The following KCNIP1 variants were observed in gnomAD, a reference collection of about 807,000 sequenced individuals.
The protein encoded by KCNIP1 is potassium voltage-gated channel interacting protein 1.
KCNIP1 carries 18 observed loss-of-function variants against 33.0 expected under a neutral mutation model. That is an observed-to-expected ratio of 0.55 (90% CI 0.38 to 0.81). KCNIP1 has a LOEUF of 0.81. Ranked by LOEUF, KCNIP1 falls within the 30% of genes least tolerant of loss-of-function variation. The pLI is 0.00. For missense variants in KCNIP1, 238 were observed against 271.6 expected, an observed-to-expected ratio of 0.88 and a Z score of 0.87; for synonymous variants, 93 against 98.3, an observed-to-expected ratio of 0.95 and a Z score of 0.32.
chr5:170,505,991 C>G (rs1304582185), intron 1 of KCNIP1, among the ~76,000 whole-genome samples: 2 of 152,216 alleles, frequency 1.3e-5, no homozygotes, highest in East Asian at 1.9e-4. Context: ...CCTTGACATT[C>G]TAAGCCTCAC....
intron 1 of KCNIP1, among the ~76,000 whole-genome samples, chr5:170,513,383 TTCC>T (rs1755012339): frequency 6.6e-6 from 1 of 152,220 alleles, no homozygotes; most frequent in African/African-American, 2.4e-5. Context: ...GAAGTCAGAT[TTCC>T]AGATTTGCAT....
intron 1 of KCNIP1, among the ~76,000 whole-genome samples, chr5:170,459,377 C>T (rs1203173091): frequency 6.6e-6 from 1 of 152,118 alleles, no homozygotes; most frequent in African/African-American, 2.4e-5. Flanking sequence ...TATCAAACAA[C>T]TGTGGAATAT....
At chr5:170,411,707 G>A (rs1755194226) in intron 1 of KCNIP1, among the ~76,000 whole-genome samples, 1 of 152,206 alleles carries the variant, frequency 6.6e-6, no homozygotes, top group Admixed American at 6.5e-5. Flanking sequence ...GGTGCAGAGA[G>A]GGTTGCAGAC....
chr5:170,425,499 G>C (rs1581180360), intron 1 of KCNIP1, among the ~76,000 whole-genome samples: 1 of 152,076 alleles, frequency 6.6e-6, no homozygotes, highest in African/African-American at 2.4e-5. Flanking sequence ...GGCCCTTTGG[G>C]GTTCCCTGTA....
In KCNIP1 at chr5:170,656,494, C is replaced by G. The variant is rs111715965; in HGVS notation, c.62-62264C>G. On this transcript the variant is annotated intron_variant, in intron 1 of 7. Coordinates refer to ENST00000328939, the MANE Select transcript of KCNIP1 (RefSeq NM_014592.4). Reference sequence around the variant, plus strand: ...ACCTGTGCTGTAGGTCAGGGCCCCCCAGTGTGAGCCTCAGCTGCCGCTGCC... The same window carrying G: ...ACCTGTGCTGTAGGTCAGGGCCCCCGAGTGTGAGCCTCAGCTGCCGCTGCC... Among the ~76,000 whole-genome samples, 283 of 152,338 alleles carry G rather than the reference C, an allele frequency of 1.9e-3. 2 individuals carry two copies. Among genetic ancestry groups the G allele is most frequent in the African/African-American group, 6.3e-3 (263 of 41,586 alleles).
chr5:170,575,270 A>T (rs1400291402), intron 1 of KCNIP1, among the ~76,000 whole-genome samples: 1 of 152,256 alleles, frequency 6.6e-6, no homozygotes, highest in African/African-American at 2.4e-5. Flanking sequence ...TTTATACCTA[A>T]GTTTTATGTC....
chr5:170,526,774 A>G (rs1285626899), intron 1 of KCNIP1, among the ~76,000 whole-genome samples: 1 of 147,680 alleles, frequency 6.8e-6, no homozygotes, highest in Non-Finnish European at 1.5e-5. Flanking sequence ...CCAGGCTGGA[A>G]TGCAGTGGCG....
At chr5:170,537,675 C>T (rs1035345247) in intron 1 of KCNIP1, among the ~76,000 whole-genome samples, 1 of 152,212 alleles carries the variant, frequency 6.6e-6, no homozygotes, top group African/African-American at 2.4e-5. Context: ...GGTGTCAACT[C>T]CCAGGCTCCC....
intron 1 of KCNIP1, chr5:170,354,026 C>A: frequency 6.9e-7 from 1 of 1,456,922 alleles, no homozygotes; most frequent in Non-Finnish European, 9.6e-7. Flanking sequence ...GTCGCATTGC[C>A]TCGGTGTGGT....
chr5:170,495,670 C>A (rs1757296078), intron 1 of KCNIP1, among the ~76,000 whole-genome samples: 1 of 152,222 alleles, frequency 6.6e-6, no homozygotes, highest in Non-Finnish European at 1.5e-5. Flanking sequence ...TTCTTCCAGG[C>A]CTTTCATCTC....
intron 1 of KCNIP1, among the ~76,000 whole-genome samples, chr5:170,706,157 T>C (rs1422903458): frequency 1.3e-5 from 2 of 152,180 alleles, no homozygotes; most frequent in Admixed American, 1.3e-4. Flanking sequence ...TTCCTATTTG[T>C]GATTATTCTG....
chr5:170,393,263 G>C (rs1398675838), intron 1 of KCNIP1, among the ~76,000 whole-genome samples: 1 of 152,138 alleles, frequency 6.6e-6, no homozygotes, highest in East Asian at 1.9e-4. Flanking sequence ...CCCCTCTCTG[G>C]ATTATGCACC....
chr5:170,503,723 AT>A (rs1288298375), upstream of KCNIP1, among the ~76,000 whole-genome samples: 4 of 72,254 alleles, frequency 5.5e-5, no homozygotes, highest in Non-Finnish European at 8.5e-5. Flanking sequence ...ACGCACGCAC[AT>A]CACACACACA....
chr5:170,474,897 G>A (rs1394187778), intron 1 of KCNIP1, among the ~76,000 whole-genome samples: 3 of 152,240 alleles, frequency 2.0e-5, no homozygotes, highest in Admixed American at 6.5e-5. Context: ...CCACCGCGTA[G>A]AAGGGGACCC....
At chr5:170,367,421 G>GAAAGAAAAGAAA (rs1554086776) in intron 1 of KCNIP1, among the ~76,000 whole-genome samples, 1 of 74,664 alleles carries the variant, frequency 1.3e-5, no homozygotes, top group East Asian at 3.3e-4. Flanking sequence ...AAGAAAGAAA[G>GAAAGAAAAGAAA]GAAAGAAAGA....
chr5:170,732,741 C>A lies in KCNIP1; in HGVS notation c.436-59C>A. The A allele has an allele frequency of 2.6e-6, 3 of 1,134,350 alleles. 1 individual carries two copies. In the Middle Eastern group the frequency reaches 5.9e-4, roughly 223 times the overall value. The allele number at this position is 1,134,350 out of a possible 1,614,324, so 70.3% of individuals were successfully genotyped here. On this transcript the variant is annotated intron_variant, in intron 5 of 7. Coordinates refer to ENST00000328939, the MANE Select transcript of KCNIP1 (RefSeq NM_014592.4). ...GCACAAGGAGCCCCAAACTCTGTCA[C>A]CTAGGAAGAGCTTGACCTCATGGTT...
intron 1 of KCNIP1, among the ~76,000 whole-genome samples, chr5:170,461,359 A>C (rs1756496974): frequency 6.6e-6 from 1 of 152,216 alleles, no homozygotes; most frequent in Non-Finnish European, 1.5e-5. Flanking sequence ...CCAAAGCAAG[A>C]CTAAGCAAAA....
intron 1 of KCNIP1, among the ~76,000 whole-genome samples, chr5:170,657,769 C>T (rs1761327344): frequency 6.6e-6 from 1 of 152,212 alleles, no homozygotes; most frequent in African/African-American, 2.4e-5. Flanking sequence ...AATCAGATGA[C>T]CTTCCCACCA....
chr5:170,661,239 TG>T (rs965048883), intron 1 of KCNIP1, among the ~76,000 whole-genome samples: 4 of 152,114 alleles, frequency 2.6e-5, no homozygotes, highest in African/African-American at 7.2e-5. Flanking sequence ...GTGAAGCACA[TG>T]GGGGGGCCCA....
Sources: gnomAD v4.1 joint callset for allele counts (sites outside exome capture counted in the v4.1 genomes callset) on GRCh38, gnomAD v4.1.1 for gene constraint, MANE v1.5 for transcripts, NCBI Gene and HGNC (gene_info 2026-07-23, HGNC 2026-07-21) for gene names.